The following NAV2 variants were observed in gnomAD, a reference collection of about 807,000 sequenced individuals.
NAV2 encodes neuron navigator 2.
NAV2 carries 54 observed loss-of-function variants against 223.2 expected under a neutral mutation model. That is an observed-to-expected ratio of 0.24 (90% CI 0.19 to 0.30). NAV2 has a LOEUF of 0.30. NAV2 is among the 10% of genes least tolerant of loss of function. The pLI is 1.00. For missense variants in NAV2, 2,806 were observed against 3,147.5 expected (o/e 0.89, Z 2.60); for synonymous variants, 1,279 against 1,239.3 (o/e 1.03, Z -0.67).
chr11:19,564,785 C>A (rs188013796), intron 1 of NAV2, among the ~76,000 whole-genome samples: 276 of 152,322 alleles, frequency 1.8e-3, no homozygotes, highest in African/African-American at 6.5e-3. Flanking sequence ...AAGGCTGAGG[C>A]CCAAAGAGGT....
At chr11:20,059,124 T>C (rs1463840002) in intron 19 of NAV2, among the ~76,000 whole-genome samples, 2 of 152,092 alleles carry the variant, frequency 1.3e-5, no homozygotes, top group East Asian at 1.9e-4. Context: ...CTTTCATCAA[T>C]GTCTTCTCTG....
chr11:19,551,032 C>A (rs1452607463), intron 1 of NAV2, among the ~76,000 whole-genome samples: 1 of 152,284 alleles, frequency 6.6e-6, no homozygotes, highest in African/African-American at 2.4e-5. Flanking sequence ...TATGCAGTAG[C>A]CCTGCTCTGC....
At chr11:19,606,360 T>C (rs986618479) in intron 1 of NAV2, among the ~76,000 whole-genome samples, 4 of 152,258 alleles carry the variant, frequency 2.6e-5, no homozygotes, top group African/African-American at 9.6e-5. Flanking sequence ...ACTACTCATT[T>C]ATAGATAAAG....
chr11:19,709,813 A>C (rs754877680), upstream of NAV2, among the ~76,000 whole-genome samples: 15 of 152,136 alleles, frequency 9.9e-5, no homozygotes, highest in African/African-American at 3.4e-4. Context: ...GAGATAAATA[A>C]TGCTCCAGGA....
chr11:19,482,938 GAT>G (rs2042325591), intron 1 of NAV2, among the ~76,000 whole-genome samples: 1 of 152,160 alleles, frequency 6.6e-6, no homozygotes, highest in Non-Finnish European at 1.5e-5. Flanking sequence ...CATAGGGAGA[GAT>G]GAGGCAAGGC....
chr11:19,590,106 G>A (rs1385345142), intron 1 of NAV2, among the ~76,000 whole-genome samples: 3 of 152,162 alleles, frequency 2.0e-5, no homozygotes, highest in Non-Finnish European at 4.4e-5. Flanking sequence ...TAACCACTGT[G>A]CCGACGTTTT....
At chr11:19,475,562 C>T (rs2042089324) in intron 1 of NAV2, among the ~76,000 whole-genome samples, 1 of 152,240 alleles carries the variant, frequency 6.6e-6, no homozygotes, top group East Asian at 1.9e-4. Context: ...TTATGTTGAA[C>T]ACTGCTGTTT....
upstream of NAV2, among the ~76,000 whole-genome samples, chr11:19,710,284 G>A (rs1035813932): frequency 2.6e-5 from 4 of 152,168 alleles, no homozygotes; most frequent in East Asian, 1.9e-4. Flanking sequence ...TACTCAAAGC[G>A]TGATCTTTAG....
At chr11:19,977,798 CTT>C (rs1221334182) in intron 10 of NAV2, among the ~76,000 whole-genome samples, 4 of 90,806 alleles carry the variant, frequency 4.4e-5, no homozygotes, top group South Asian at 7.6e-4. Flanking sequence ...CAACTTTTTT[CTT>C]TTTTTTTTTT....
chr11:19,557,240 C>A (rs1427267755), intron 1 of NAV2, among the ~76,000 whole-genome samples: 2 of 152,154 alleles, frequency 1.3e-5, no homozygotes, highest in African/African-American at 4.8e-5. Context: ...GACATTGATG[C>A]CAGCGGAGGT....
At chr11:19,570,120 G>A (rs1415597081) in intron 1 of NAV2, among the ~76,000 whole-genome samples, 1 of 152,118 alleles carries the variant, frequency 6.6e-6, no homozygotes, top group Non-Finnish European at 1.5e-5. Context: ...TTGGAGATGA[G>A]GGGATAATGG....
At chr11:19,858,542 CTT>C (rs1590916879) in intron 3 of NAV2, among the ~76,000 whole-genome samples, 1 of 152,300 alleles carries the variant, frequency 6.6e-6, no homozygotes, top group East Asian at 1.9e-4. Flanking sequence ...ACAGATATCT[CTT>C]TGAAATACCA....
At chr11:19,679,844 T>A (rs919638767) in intron 1 of NAV2, among the ~76,000 whole-genome samples, 1 of 152,204 alleles carries the variant, frequency 6.6e-6, no homozygotes, top group Non-Finnish European at 1.5e-5. Context: ...GTATCTAACA[T>A]AGAACTTAAC....
At chr11:19,956,678 T>C (rs1305677748) in intron 10 of NAV2, among the ~76,000 whole-genome samples, 1 of 152,118 alleles carries the variant, frequency 6.6e-6, no homozygotes, top group East Asian at 1.9e-4. Context: ...TCTCCATGAG[T>C]GCCACCATCC....
At chr11:19,642,168 G>A (rs1029211393) in intron 1 of NAV2, among the ~76,000 whole-genome samples, 1 of 152,140 alleles carries the variant, frequency 6.6e-6, no homozygotes, top group Non-Finnish European at 1.5e-5. Context: ...TTCCCACAGT[G>A]GCACTGTACC....
intron 3 of NAV2, among the ~76,000 whole-genome samples, chr11:19,854,666 C>T (rs748369829): frequency 6.6e-6 from 1 of 152,136 alleles, no homozygotes; most frequent in South Asian, 2.1e-4. Flanking sequence ...ATGATATTCT[C>T]ATAAGTTTCC....
At chr11:19,874,605 A>C (rs754447195) in intron 4 of NAV2, among the ~76,000 whole-genome samples, 2 of 152,170 alleles carry the variant, frequency 1.3e-5, no homozygotes, top group Non-Finnish European at 2.9e-5. Flanking sequence ...GACAAATACC[A>C]TTTGGAAATA....
chr11:19,978,329 A>G (rs969177890), intron 10 of NAV2, among the ~76,000 whole-genome samples: 2 of 152,234 alleles, frequency 1.3e-5, no homozygotes, highest in African/African-American at 4.8e-5. Context: ...ATAACTGAGT[A>G]GAGGGGCCTG....
At chr11:19,660,653 C>G (rs1412963854) in intron 1 of NAV2, among the ~76,000 whole-genome samples, 1 of 152,064 alleles carries the variant, frequency 6.6e-6, no homozygotes, top group African/African-American at 2.4e-5. Flanking sequence ...TCCTGCCAGT[C>G]GAGAAAGTGT....
Sources: allele counts gnomAD v4.1 joint callset (sites outside exome capture counted in the v4.1 genomes callset), GRCh38; gene constraint gnomAD v4.1.1; transcripts MANE v1.5; gene names NCBI Gene and HGNC (gene_info 2026-07-23, HGNC 2026-07-21).